MCPH1: variants seen among roughly 807,000 people sequenced by gnomAD.
The protein encoded by MCPH1 is microcephalin.
A neutral mutation model predicts 84.5 loss-of-function variants in MCPH1; 104 were observed. The ratio of observed to expected loss-of-function variants is 1.23; its 90% confidence interval spans 1.05 to 1.45. MCPH1 has a LOEUF of 1.45. Ranked by LOEUF, MCPH1 falls within the 40% of genes most tolerant of loss-of-function variation. MCPH1 has a pLI of 0.00. For missense variants in MCPH1, 1,498 were observed against 1,005.7 expected (o/e 1.49, Z -6.62); for synonymous variants, 514 against 366.8 (o/e 1.40, Z -4.58).
At chr8:6,596,736 C>T (rs537058410) in intron 12 of MCPH1, among the ~76,000 whole-genome samples, 7 of 152,264 alleles carry the variant, frequency 4.6e-5, no homozygotes, top group South Asian at 2.1e-4. Flanking sequence ...TGCCAAAAAA[C>T]GGTAGAACTG....
chr8:6,407,621 C>A (rs181706338), intron 1 of MCPH1, among the ~76,000 whole-genome samples: 5 of 152,152 alleles, frequency 3.3e-5, no homozygotes, highest in Non-Finnish European at 7.4e-5. Context: ...AGACTAGAGG[C>A]TTTATACAAA....
intron 13 of MCPH1, among the ~76,000 whole-genome samples, chr8:6,639,324 G>C (rs541044177): frequency 1.3e-5 from 2 of 152,292 alleles, no homozygotes; most frequent in Non-Finnish European, 2.9e-5. Context: ...AATAAAGATA[G>C]AAGTGTATCT....
At chr8:6,487,243 C>G (rs939287775) in intron 11 of MCPH1, among the ~76,000 whole-genome samples, 1 of 152,140 alleles carries the variant, frequency 6.6e-6, no homozygotes, top group Non-Finnish European at 1.5e-5. Context: ...TTTTCTTAAT[C>G]AAAAATGATT....
In MCPH1 at chr8:6,623,354, A is replaced by ATC. The variant is rs932698475; in HGVS notation, c.2452+1678_2452+1679dup. 4.9e-5 allele frequency among the ~76,000 whole-genome samples: 7 copies of ATC among 142,516 alleles called. No individual in the cohort carries two copies. The East Asian group carries it at 6.3e-4, about 13-fold the overall frequency. 93.5% of individuals were successfully genotyped at this position (142,516 alleles called of 152,430 possible). ...AGGTACATCCCCTCTCTCTCTCTCA[A>ATC]TCTCTCTCTCTCTCTCCTGTTCTCT... On this transcript the variant is annotated intron_variant, in intron 13 of 13. Transcript: ENST00000344683.
chr8:6,492,657 A>C (rs1029929854), intron 11 of MCPH1, among the ~76,000 whole-genome samples: 20 of 147,998 alleles, frequency 1.4e-4, no homozygotes, highest in Non-Finnish European at 2.7e-4. Context: ...AATATTAAAT[A>C]GTTAATATTA....
chr8:6,456,416 C>G (rs1321867484), intron 9 of MCPH1, among the ~76,000 whole-genome samples: 1 of 152,182 alleles, frequency 6.6e-6, no homozygotes, highest in African/African-American at 2.4e-5. Flanking sequence ...GTCCCAGTTT[C>G]TCAGTCTTCT....
intron 8 of MCPH1, among the ~76,000 whole-genome samples, chr8:6,451,851 G>T (rs1805130301): frequency 6.6e-6 from 1 of 152,144 alleles, no homozygotes; most frequent in South Asian, 2.1e-4. Context: ...TAAAATTATG[G>T]ATTATTCAGC....
intron 12 of MCPH1, among the ~76,000 whole-genome samples, chr8:6,571,970 T>G (rs1158749154): frequency 6.6e-6 from 1 of 152,222 alleles, no homozygotes; most frequent in Non-Finnish European, 1.5e-5. Context: ...TAATCCAGAA[T>G]GTATCCCTCC....
chr8:6,607,175 T>G (rs1829850048), intron 12 of MCPH1, among the ~76,000 whole-genome samples: 1 of 152,140 alleles, frequency 6.6e-6, no homozygotes, highest in South Asian at 2.1e-4. Context: ...GGTTATAAGA[T>G]CCTCATTTGG....
At chr8:6,414,127 A>C (rs1186361283) in intron 2 of MCPH1, among the ~76,000 whole-genome samples, 1 of 151,950 alleles carries the variant, frequency 6.6e-6, no homozygotes, top group African/African-American at 2.4e-5. Context: ...CTTACTTTGT[A>C]TTTATGCATT....
At chr8:6,436,254 G>C in intron 5 of MCPH1, 92 bp downstream of exon 5, 1 of 1,329,544 alleles carries the variant, frequency 7.5e-7, no homozygotes, top group South Asian at 1.3e-5. Context: ...GCATGAGAGA[G>C]CTGATGAAGA....
At chr8:6,467,139 T>C (rs1807081859) in intron 9 of MCPH1, among the ~76,000 whole-genome samples, 1 of 152,230 alleles carries the variant, frequency 6.6e-6, no homozygotes, top group Non-Finnish European at 1.5e-5. Flanking sequence ...AAATAGATTT[T>C]TGGCATATCC....
intron 9 of MCPH1, among the ~76,000 whole-genome samples, chr8:6,456,202 G>C (rs1254351026): frequency 2.0e-5 from 3 of 152,292 alleles, no homozygotes; most frequent in Non-Finnish European, 4.4e-5. Flanking sequence ...CCTATTTCAG[G>C]TAAAGCAACA....
At chr8:6,593,293 G>A (rs1053428000) in intron 12 of MCPH1, among the ~76,000 whole-genome samples, 1 of 151,892 alleles carries the variant, frequency 6.6e-6, no homozygotes, top group Non-Finnish European at 1.5e-5. Context: ...ATGTTAGTCA[G>A]GCTGGTCTCA....
In MCPH1 at chr8:6,444,543, T is replaced by G; in HGVS notation, c.821T>G (p.Ile274Ser). 6.2e-7 allele frequency: 1 copy of G among 1,614,116 alleles called. No homozygotes were observed. The highest frequency in any genetic ancestry group is 1.3e-5 in the African/African-American group (1 of 75,042). Reference protein sequence around the residue: ...ISSLVLKANNIHSSPSFTHLD... With the variant: ...ISSLVLKANNSHSSPSFTHLD... ...TCACTTGTATTGAAAGCAAATAATATTCATTCATCACCATCTTTCACTCAC... is the reference window on the plus strand; with the variant it reads ...TCACTTGTATTGAAAGCAAATAATAGTCATTCATCACCATCTTTCACTCAC... The change falls in exon 8 of 14, where the codon ATT (isoleucine) becomes AGT (serine). Residue 274 changes from isoleucine (I) to serine (S), a missense_variant. Transcript: ENST00000344683.
At chr8:6,527,455 T>C in intron 12 of MCPH1, 1 of 1,446,086 alleles carries the variant, frequency 6.9e-7, no homozygotes, top group Non-Finnish European at 9.4e-7. Context: ...ACACTAGACA[T>C]GAAGAAACTC....
At chr8:6,539,181 C>T (rs112792591) in intron 12 of MCPH1, among the ~76,000 whole-genome samples, 23 of 152,314 alleles carry the variant, frequency 1.5e-4, no homozygotes, top group African/African-American at 5.5e-4. Context: ...AACCCCTCGC[C>T]AGAGCCTGGG....
In MCPH1 at chr8:6,453,380, T is replaced by C. The variant is rs577081860; in HGVS notation, c.1826-1763T>C. Among the ~76,000 whole-genome samples the C allele has an allele frequency of 2.7e-4, 39 of 144,866 alleles. 1 individual carries two copies. The highest frequency in any genetic ancestry group is 9.2e-4 in the South Asian group (4 of 4,346). The stretch of plus-strand genomic sequence containing the variant: ...CAGGATTTGTGAAATTGTGAAAACA[T>C]GTTAACAATATCAGTCTTTTTTTTT... On this transcript the variant is annotated intron_variant, in intron 8 of 13. Coordinates refer to ENST00000344683, the MANE Select transcript of MCPH1 (RefSeq NM_024596.5).
intron 13 of MCPH1, among the ~76,000 whole-genome samples, chr8:6,632,666 G>A (rs1041828826): frequency 6.6e-5 from 10 of 152,124 alleles, no homozygotes; most frequent in East Asian, 3.9e-4. Context: ...AAAATTAGCC[G>A]GCCGTGGTGG....
Sources: allele counts gnomAD v4.1 joint callset (sites outside exome capture counted in the v4.1 genomes callset), GRCh38; gene constraint gnomAD v4.1.1; transcripts MANE v1.5; gene names NCBI Gene and HGNC (gene_info 2026-07-23, HGNC 2026-07-21).